PTPRT: variants seen among roughly 807,000 people sequenced by gnomAD.
PTPRT encodes receptor-type tyrosine-protein phosphatase T.
A neutral mutation model predicts 176.8 loss-of-function variants in PTPRT; 56 were observed. That is an observed-to-expected ratio of 0.32 (90% confidence interval 0.26 to 0.40). The LOEUF is 0.40. Ranked by LOEUF, PTPRT falls within the 10% of genes least tolerant of loss-of-function variation. The pLI, the probability that PTPRT is intolerant of heterozygous loss-of-function variation, is 1.00. For synonymous variants in PTPRT, 783 were observed against 739.0 expected, an observed-to-expected ratio of 1.06 and a Z score of -0.96; for missense variants, 1,540 against 1,908.2, an observed-to-expected ratio of 0.81 and a Z score of 3.60.
rs548569656 is a variant in PTPRT, at chr20:42,657,569, G to C, written c.1153+20297C>G. On this transcript the variant is annotated intron_variant, in intron 7 of 30. Transcript: ENST00000373187. Reference sequence around the variant, plus strand: ...ATGGCATTTATTAGTATGGCTTTGTGGGGGGGAAAAATCTGTGCTTCAATG... The same window carrying C: ...ATGGCATTTATTAGTATGGCTTTGTCGGGGGGAAAAATCTGTGCTTCAATG... 3.1e-5 allele frequency among the ~76,000 whole-genome samples: 4 copies of C among 129,888 alleles called. No individual in the cohort carries two copies. The East Asian group carries it at 7.8e-4, about 25-fold the overall frequency. 85.2% of individuals were successfully genotyped at this position (129,888 alleles called of 152,430 possible). A position where few individuals can be genotyped will look rare whatever the true frequency, so the allele number is the denominator to read the frequency against.
chr20:42,497,235 C>T (rs2071671016), intron 7 of PTPRT, among the ~76,000 whole-genome samples: 1 of 152,158 alleles, frequency 6.6e-6, no homozygotes, highest in Non-Finnish European at 1.5e-5. Flanking sequence ...AGATTTAGCA[C>T]ATCTCTTCCT....
chr20:42,707,075 C>T (rs2076071162), intron 6 of PTPRT, among the ~76,000 whole-genome samples: 1 of 152,190 alleles, frequency 6.6e-6, no homozygotes, highest in Non-Finnish European at 1.5e-5. Context: ...AAGAATTACC[C>T]TTCAGATTCC....
chr20:43,186,884 T>C (rs76063206), intron 1 of PTPRT, among the ~76,000 whole-genome samples: 6,517 of 152,310 alleles, frequency 0.043, 191 homozygotes, highest in Non-Finnish European at 0.067. Context: ...CCCTATAAGA[T>C]ACATTTTTGC....
intron 1 of PTPRT, among the ~76,000 whole-genome samples, chr20:43,174,626 A>C (rs2015083729): frequency 6.6e-6 from 1 of 152,112 alleles, no homozygotes; most frequent in Non-Finnish European, 1.5e-5. Context: ...CTTGAGCCAA[A>C]TGCTCTTCTC....
chr20:43,020,149 T>C (rs1420868798), intron 1 of PTPRT, among the ~76,000 whole-genome samples: 2 of 148,440 alleles, frequency 1.3e-5, no homozygotes, highest in Non-Finnish European at 3.0e-5. Context: ...TGTGTGTACA[T>C]ATGTGCATGT....
chr20:42,347,558 T>C (rs1241528008), intron 11 of PTPRT, among the ~76,000 whole-genome samples: 5 of 152,220 alleles, frequency 3.3e-5, no homozygotes, highest in East Asian at 1.9e-4. Flanking sequence ...CATGACACCA[T>C]TGGTGGGACC....
intron 9 of PTPRT, among the ~76,000 whole-genome samples, chr20:42,437,262 T>C (rs552043476): frequency 3.0e-4 from 45 of 152,270 alleles, no homozygotes; most frequent in African/African-American, 1.1e-3. Flanking sequence ...GAGATTAATC[T>C]CATTTTGGGC....
intron 6 of PTPRT, among the ~76,000 whole-genome samples, chr20:42,710,931 G>A (rs2076135368): frequency 6.6e-6 from 1 of 152,258 alleles, no homozygotes; most frequent in Admixed American, 6.5e-5. Flanking sequence ...ATGGGACATA[G>A]AGTCAAAGGA....
intron 1 of PTPRT, among the ~76,000 whole-genome samples, chr20:42,960,646 C>T (rs552422953): frequency 6.6e-6 from 1 of 152,248 alleles, no homozygotes; most frequent in South Asian, 2.1e-4. Flanking sequence ...CCTCTCCCCC[C>T]AGTATTGGGA....
intron 9 of PTPRT, among the ~76,000 whole-genome samples, chr20:42,372,050 G>A (rs1398443736): frequency 1.3e-5 from 2 of 152,098 alleles, no homozygotes; most frequent in African/African-American, 2.4e-5. Flanking sequence ...GGGGAGAGTG[G>A]AGTCACCCTG....
chr20:42,043,989 A>G, the PTPRT span, among the ~76,000 whole-genome samples: 1 of 152,200 alleles, frequency 6.6e-6, no homozygotes, highest in African/African-American at 2.4e-5. Flanking sequence ...ATGATTTGTA[A>G]TCTCACTCCT....
chr20:42,571,080 A>G (rs745352058), intron 7 of PTPRT, among the ~76,000 whole-genome samples: 1 of 152,226 alleles, frequency 6.6e-6, no homozygotes, highest in African/African-American at 2.4e-5. Flanking sequence ...AAATGCTTAT[A>G]AAGAACTCTT....
chr20:42,236,062 C>T (rs2056235402), intron 15 of PTPRT, among the ~76,000 whole-genome samples, 167 bp downstream of exon 15: 1 of 152,172 alleles, frequency 6.6e-6, no homozygotes, highest in African/African-American at 2.4e-5. Context: ...AATGACAGTG[C>T]ACTTTCAAAT....
intron 7 of PTPRT, among the ~76,000 whole-genome samples, chr20:42,597,698 C>T (rs1281885402): frequency 6.6e-6 from 1 of 152,200 alleles, no homozygotes; most frequent in Non-Finnish European, 1.5e-5. Context: ...TGCTGCCATG[C>T]TTCCTGTACA....
chr20:43,160,930 A>C (rs1238695126), intron 1 of PTPRT, among the ~76,000 whole-genome samples: 1 of 151,836 alleles, frequency 6.6e-6, no homozygotes, highest in Non-Finnish European at 1.5e-5. Context: ...AAAAAAAAAA[A>C]AAACGTAGAG....
chr20:42,716,107 C>G (rs989341104), intron 6 of PTPRT, among the ~76,000 whole-genome samples: 1 of 151,974 alleles, frequency 6.6e-6, no homozygotes, highest in South Asian at 2.1e-4. Context: ...TTCTGGGTCT[C>G]AGAATGAAAA....
intron 15 of PTPRT, among the ~76,000 whole-genome samples, chr20:42,202,634 A>G: frequency 6.6e-6 from 1 of 152,362 alleles, no homozygotes; most frequent in East Asian, 1.9e-4. Context: ...CTTCTTAATC[A>G]TAAATTTGAA....
intron 1 of PTPRT, among the ~76,000 whole-genome samples, chr20:42,956,941 C>G (rs1255681441): frequency 1.3e-5 from 2 of 152,110 alleles, no homozygotes; most frequent in Non-Finnish European, 2.9e-5. Context: ...ACTCACCAAC[C>G]ACCCCAGCGC....
At chr20:42,661,389 C>CA (rs951299436) in intron 7 of PTPRT, among the ~76,000 whole-genome samples, 3 of 151,556 alleles carry the variant, frequency 2.0e-5, no homozygotes, top group Non-Finnish European at 2.9e-5. Flanking sequence ...TAGACACAAG[C>CA]AAAAAATATA....
Sources: gnomAD v4.1 joint callset for allele counts (sites outside exome capture counted in the v4.1 genomes callset) on GRCh38, gnomAD v4.1.1 for gene constraint, MANE v1.5 for transcripts, NCBI Gene and HGNC (gene_info 2026-07-23, HGNC 2026-07-21) for gene names.